Variants in TANGO6 observed in about 807,000 individuals in gnomAD.
The protein encoded by TANGO6 is transport and Golgi organization protein 6 homolog.
A neutral mutation model predicts 114.2 loss-of-function variants in TANGO6; 90 were observed. That is an observed-to-expected ratio of 0.79 (90% CI 0.66 to 0.94). The LOEUF (loss-of-function observed/expected upper bound fraction) is 0.94. TANGO6 is among the 40% of genes least tolerant of loss of function. The pLI, the probability that TANGO6 is intolerant of heterozygous loss-of-function variation, is 0.00. For synonymous variants in TANGO6, 477 were observed against 509.8 expected, an observed-to-expected ratio of 0.94 and a Z score of 0.87; for missense variants, 1,274 against 1,315.3, an observed-to-expected ratio of 0.97 and a Z score of 0.49.
intron 4 of TANGO6, among the ~76,000 whole-genome samples, chr16:68,873,507 T>C (rs1338960902): frequency 2.0e-5 from 3 of 148,088 alleles, no homozygotes; most frequent in African/African-American, 7.3e-5. Flanking sequence ...AGAGACGGGG[T>C]TTCACCATGT....
chr16:69,072,193 A>G (rs1187233931), intron 17 of TANGO6, among the ~76,000 whole-genome samples: 1 of 151,178 alleles, frequency 6.6e-6, no homozygotes, highest in Non-Finnish European at 1.5e-5. Context: ...AAGAATCTGA[A>G]CGCCACTCCC....
rs568238741 is a variant in TANGO6, at chr16:69,009,308, T to G, written c.2843-13520T>G. ...GTTGATAAGGCTGGTCTCGAACTCC[T>G]GATCTCAGGTGATCCACCCACTTCG... On this transcript the variant is annotated intron_variant, in intron 15 of 17. Transcript: ENST00000261778. Among the ~76,000 whole-genome samples, 66 of 152,164 alleles carry G rather than the reference T, an allele frequency of 4.3e-4. No homozygotes were observed. The South Asian group carries it at 0.013, about 30-fold the overall frequency.
chr16:69,056,567 G>A (rs1237932499), intron 17 of TANGO6, among the ~76,000 whole-genome samples: 1 of 149,950 alleles, frequency 6.7e-6, no homozygotes, highest in Non-Finnish European at 1.5e-5. Flanking sequence ...AGTCTGCGAA[G>A]TCCTGCAGCA....
At chr16:68,958,635 A>G (rs569304994) in intron 14 of TANGO6, among the ~76,000 whole-genome samples, 5 of 152,112 alleles carry the variant, frequency 3.3e-5, no homozygotes, top group African/African-American at 4.8e-5. Flanking sequence ...CTTTCCCTCT[A>G]TTTACAGATG....
intron 15 of TANGO6, among the ~76,000 whole-genome samples, chr16:68,980,425 A>C (rs1456382105): frequency 3.6e-4 from 18 of 50,340 alleles, no homozygotes; most frequent in South Asian, 1.3e-3. Flanking sequence ...ATATATATAT[A>C]TATATATATA....
intron 1 of TANGO6, among the ~76,000 whole-genome samples, chr16:68,856,412 G>A (rs1961994378): frequency 6.6e-6 from 1 of 152,178 alleles, no homozygotes; most frequent in Admixed American, 6.6e-5. Context: ...CAAGTGTTAA[G>A]CCAACTATGT....
chr16:68,977,528 A>G (rs1265388740), intron 15 of TANGO6, among the ~76,000 whole-genome samples: 1 of 150,690 alleles, frequency 6.6e-6, no homozygotes, highest in Non-Finnish European at 1.5e-5. Flanking sequence ...ACATGGTGAA[A>G]CCCTGTCTCT....
intron 14 of TANGO6, chr16:68,972,890 C>G (rs1258362759): frequency 7.3e-6 from 2 of 272,824 alleles, no homozygotes; most frequent in Non-Finnish European, 1.4e-5. Context: ...GGAGGAGCAG[C>G]AGCAGATGCA....
chr16:68,955,583 C>T (rs185452575), intron 14 of TANGO6, among the ~76,000 whole-genome samples: 18 of 152,048 alleles, frequency 1.2e-4, no homozygotes, highest in Admixed American at 9.8e-4. Context: ...AAAAATTGTA[C>T]GTGAAAATGT....
intron 15 of TANGO6, among the ~76,000 whole-genome samples, chr16:69,016,569 CTT>C (rs1260270329): frequency 6.6e-6 from 1 of 152,084 alleles, no homozygotes. Flanking sequence ...CTACTAAACT[CTT>C]GGTTTATTTG....
Position 68,907,483 on chromosome 16 carries a change from T to C in TANGO6, c.1708T>C (p.Ser570Pro). Residue 570 changes from serine (S) to proline (P), a missense_variant, in exon 10 of 18, where the codon TCT (serine) becomes CCT (proline). Around this residue, in one of 5 missense-constraint regions of TANGO6, gnomAD observed 908 missense variants for 910.2 expected, o/e 1.00. Coordinates refer to ENST00000261778, the MANE Select transcript of TANGO6 (RefSeq NM_024562.2). ...EDEALYQKVS[S>P]EQGRVEHLGD... Reference sequence around the variant, plus strand: ...TGAAGCCCTGTACCAGAAGGTATCCTCTGAGCAGGGCCGGGTGGAGCATCT... The same window carrying C: ...TGAAGCCCTGTACCAGAAGGTATCCCCTGAGCAGGGCCGGGTGGAGCATCT... The C allele has an allele frequency of 6.2e-7, 1 of 1,613,192 alleles. No homozygotes were observed. The highest frequency in any genetic ancestry group is 8.5e-7 in the Non-Finnish European group (1 of 1,179,712).
At position 69,032,875 on chromosome 16, in the gene TANGO6, CAA is replaced by C. The variant is rs11300295; in HGVS notation, c.2995-7418_2995-7417del. On this transcript the variant is annotated intron_variant, in intron 16 of 17. Transcript: ENST00000261778. The stretch of plus-strand genomic sequence containing the variant: ...TGGGCAACAGAACAAGACTCCATCT[CAA>C]AAAAAAAAAAAAAAGAAAGTTACTG... 4.8e-3 allele frequency among the ~76,000 whole-genome samples: 596 copies of C among 124,066 alleles called. 2 individuals are homozygous for C. The highest frequency in any genetic ancestry group is 0.013 in the Middle Eastern group (3 of 230). The allele number at this position is 124,066 out of a possible 152,430, so 81.4% of individuals were successfully genotyped here.
At chr16:68,887,861 A>C (rs961925991) in intron 7 of TANGO6, among the ~76,000 whole-genome samples, 4 of 152,184 alleles carry the variant, frequency 2.6e-5, no homozygotes, top group African/African-American at 7.2e-5. Flanking sequence ...CCTGGGCAAC[A>C]GAGAGAGACT....
At chr16:68,903,348 G>A (rs1962808349) in intron 9 of TANGO6, among the ~76,000 whole-genome samples, 1 of 152,170 alleles carries the variant, frequency 6.6e-6, no homozygotes, top group Admixed American at 6.6e-5. Context: ...GCCAGGCACG[G>A]TGGCTCACAC....
In TANGO6 at chr16:68,860,323, C is replaced by G; in HGVS notation, c.534C>G (p.Val178=). The G allele has an allele frequency of 6.2e-7, 1 of 1,613,962 alleles. No individual in the cohort carries two copies. The highest frequency in any genetic ancestry group is 8.5e-7 in the Non-Finnish European group (1 of 1,179,892). The part of the protein sequence containing the change: ...PLRYRTEFGA[V]VQDVVCFDAA... ...GATATAGAACTGAATTTGGTGCCGT[C>G]GTTCAAGACGTGGTGTGTTTTGATG... Residue 178 remains valine (V), a synonymous_variant, in exon 2 of 18, where the codon GTC becomes GTG. Coordinates refer to ENST00000261778, the MANE Select transcript of TANGO6 (RefSeq NM_024562.2).
chr16:68,922,561 TAAAAAA>T (rs201707264), intron 12 of TANGO6, among the ~76,000 whole-genome samples: 1 of 144,844 alleles, frequency 6.9e-6, no homozygotes, highest in Non-Finnish European at 1.5e-5. Flanking sequence ...AATTTATAAT[TAAAAAA>T]AAAAAGACTG....
At chr16:69,050,593 A>C (rs1039950171) in intron 17 of TANGO6, among the ~76,000 whole-genome samples, 1 of 151,470 alleles carries the variant, frequency 6.6e-6, no homozygotes, top group African/African-American at 2.4e-5. Flanking sequence ...GGGTTCAAGC[A>C]ATTCTCCTGC....
chr16:69,002,730 C>T (rs151027464), intron 15 of TANGO6, among the ~76,000 whole-genome samples: 304 of 152,040 alleles, frequency 2.0e-3, no homozygotes, highest in Non-Finnish European at 3.5e-3. Flanking sequence ...GATTTTTAAC[C>T]ATAGAGCACT....
chr16:68,980,431 A>ATT (rs1202654361), intron 15 of TANGO6, among the ~76,000 whole-genome samples: 13 of 75,934 alleles, frequency 1.7e-4, no homozygotes, highest in African/African-American at 5.8e-4. Context: ...ATATATATAT[A>ATT]TATATTTTTT....
Sources: allele counts gnomAD v4.1 joint callset (sites outside exome capture counted in the v4.1 genomes callset), GRCh38; gene constraint gnomAD v4.1.1; regional missense constraint gnomAD v4.1.1; transcripts MANE v1.5; gene names NCBI Gene and HGNC (gene_info 2026-07-23, HGNC 2026-07-21).